The following ASAP2 variants were observed in gnomAD, a reference collection of about 807,000 sequenced individuals.
ASAP2 encodes the protein ArfGAP with SH3 domain, ankyrin repeat and PH domain 2.
A neutral mutation model predicts 131.4 loss-of-function variants in ASAP2; 45 were observed. That is an observed-to-expected ratio of 0.34 (90% CI 0.27 to 0.44). ASAP2 has a LOEUF of 0.44. Ranked by LOEUF, ASAP2 falls within the 20% of genes least tolerant of loss-of-function variation. The probability of loss-of-function intolerance (pLI) is 1.00; values close to 1 mark genes in which losing one functional copy is unlikely to be tolerated. For missense variants in ASAP2, 1,011 were observed against 1,297.0 expected, an observed-to-expected ratio of 0.78 and a Z score of 3.39; for synonymous variants, 510 against 503.0, an observed-to-expected ratio of 1.01 and a Z score of -0.19.
chr2:9,306,250 T>C (rs939977260), intron 3 of ASAP2, among the ~76,000 whole-genome samples: 4 of 130,714 alleles, frequency 3.1e-5, no homozygotes, highest in South Asian at 2.6e-4. Context: ...GGTGGAGATA[T>C]GGCCTGGTGG....
intron 1 of ASAP2, among the ~76,000 whole-genome samples, chr2:9,246,431 T>C (rs1195587980): frequency 6.6e-6 from 1 of 151,770 alleles, no homozygotes; most frequent in Non-Finnish European, 1.5e-5. Context: ...GAGCTACAGG[T>C]GTGCGCTAAC....
intron 9 of ASAP2, 98 bp downstream of exon 9, chr2:9,335,277 G>A: frequency 3.9e-6 from 4 of 1,033,768 alleles, no homozygotes; most frequent in Non-Finnish European, 6.0e-6. Context: ...GGAGCTCACA[G>A]TTCACTCGGG....
intron 17 of ASAP2, 25 bp downstream of exon 17, chr2:9,374,969 TTAA>T: frequency 6.6e-7 from 1 of 1,526,610 alleles, no homozygotes; most frequent in East Asian, 2.3e-5. Flanking sequence ...TGTTGCTACT[TTAA>T]AAAAAAAAAA....
At chr2:9,293,252 G>A (rs1667930697) in intron 2 of ASAP2, among the ~76,000 whole-genome samples, 2 of 152,196 alleles carry the variant, frequency 1.3e-5, no homozygotes, top group African/African-American at 4.8e-5. Flanking sequence ...GTTTCGTGCA[G>A]TGAGGTGGGG....
chr2:9,388,521 G>A lies in ASAP2; in HGVS notation c.2358G>A (p.Pro786=), dbSNP rs200458713. The stretch of plus-strand genomic sequence containing the variant: ...CCCCCAGCACCACCAGCGCCCCCCC[G>A]CTTCCTCCACGGAATGTTGGCAAAG... ...PAAPSTTSAP[P]LPPRNVGKVQ... Residue 786 remains proline (P), a synonymous_variant, in exon 22 of 28, where the codon CCG becomes CCA. Transcript: ENST00000281419. 86 of 1,612,344 alleles carry A rather than the reference G, an allele frequency of 5.3e-5. No individual in the cohort carries two copies. Among genetic ancestry groups the A allele is most frequent in the Middle Eastern group, 1.7e-4 (1 of 6,044 alleles).
chr2:9,210,561 G>GT lies in ASAP2; in HGVS notation c.126+3342dup, dbSNP rs906726476. Among the ~76,000 whole-genome samples, 996 of 146,898 alleles carry GT rather than the reference G, an allele frequency of 6.8e-3. 10 individuals are homozygous for GT. Among genetic ancestry groups the GT allele is most frequent in the Middle Eastern group, 0.029 (8 of 278 alleles). ...CTACCGTGTATCTGTTAACCCATGT[G>GT]TTTTTTTTTTTGAGATGGAGTCTCG... On this transcript the variant is annotated intron_variant, in intron 1 of 27. Transcript: ENST00000281419.
intron 1 of ASAP2, among the ~76,000 whole-genome samples, chr2:9,247,682 G>A (rs1235173477): frequency 2.6e-5 from 4 of 152,360 alleles, no homozygotes; most frequent in East Asian, 1.9e-4. Flanking sequence ...AAGTGAAACA[G>A]CGTTTAGAAA....
chr2:9,262,307 C>T (rs143682059), intron 1 of ASAP2, among the ~76,000 whole-genome samples: 21 of 152,110 alleles, frequency 1.4e-4, no homozygotes, highest in Admixed American at 2.6e-4. Context: ...CTGAGACGGT[C>T]CTGGGGTAAC....
At chr2:9,214,584 A>G (rs747387012) in intron 1 of ASAP2, among the ~76,000 whole-genome samples, 9 of 151,728 alleles carry the variant, frequency 5.9e-5, no homozygotes, top group Non-Finnish European at 8.8e-5. Flanking sequence ...TATCATGTCA[A>G]CAATGTCTTG....
intron 2 of ASAP2, among the ~76,000 whole-genome samples, chr2:9,293,661 T>C (rs1039662684): frequency 3.3e-5 from 5 of 152,156 alleles, no homozygotes; most frequent in Admixed American, 6.5e-5. Flanking sequence ...GTCAGTGCCA[T>C]GTTAATCATG....
rs138393410 is a variant in ASAP2, at chr2:9,401,372, C to T, written c.2922C>T (p.Asp974=). Residue 974 remains aspartate (D), a synonymous_variant, in exon 27 of 28, where the codon GAC becomes GAT. Coordinates refer to ENST00000281419, the MANE Select transcript of ASAP2 (RefSeq NM_003887.3). ...TFSEGDVIIV[D]GEEDQEWWIG... Reference sequence around the variant, plus strand: ...CCGAGGGGGATGTGATCATCGTGGACGGGGAGGAGGACCAGGAGTGGTGGG... The same window carrying T: ...CCGAGGGGGATGTGATCATCGTGGATGGGGAGGAGGACCAGGAGTGGTGGG... The T allele has an allele frequency of 3.5e-5, 56 of 1,613,308 alleles. No individual in the cohort carries two copies. The highest frequency in any genetic ancestry group is 1.8e-4 in the Admixed American group (11 of 59,976).
chr2:9,390,970 G>A (rs1326371021), intron 22 of ASAP2, 92 bp from the exon 23 acceptor site: 3 of 1,590,146 alleles, frequency 1.9e-6, no homozygotes, highest in Non-Finnish European at 2.6e-6. Context: ...TAAGGGGGAG[G>A]ATCAATAACG....
chr2:9,232,539 A>C lies in ASAP2; in HGVS notation c.126+25309A>C, dbSNP rs1189696418. Among the ~76,000 whole-genome samples the C allele has an allele frequency of 1.3e-5, 2 of 152,180 alleles. No homozygotes were observed. The highest frequency in any genetic ancestry group is 4.8e-5 in the African/African-American group (2 of 41,432). On this transcript the variant is annotated intron_variant, in intron 1 of 27. Coordinates refer to ENST00000281419, the MANE Select transcript of ASAP2 (RefSeq NM_003887.3). This position sits in a 1 kb window ranked among gnomAD's most constrained non-coding sequence, Gnocchi z 4.1. ...GTTTAACCACCTCACTTAGCACATAACTTGTCATATTTTTAATTTATTTTC... is the reference window on the plus strand; with the variant it reads ...GTTTAACCACCTCACTTAGCACATACCTTGTCATATTTTTAATTTATTTTC...
At chr2:9,290,791 A>G (rs974349080) in intron 2 of ASAP2, among the ~76,000 whole-genome samples, 2 of 152,194 alleles carry the variant, frequency 1.3e-5, no homozygotes, top group Non-Finnish European at 2.9e-5. Flanking sequence ...TAGAAGTTGC[A>G]GGATCCTGGG....
Position 9,368,514 on chromosome 2 carries a change from C to T in ASAP2, c.1551C>T (p.Ser517=), listed in dbSNP as rs779448181. Residue 517 remains serine (S), a synonymous_variant, in exon 16 of 28, where the codon AGC becomes AGT. Coordinates refer to ENST00000281419, the MANE Select transcript of ASAP2 (RefSeq NM_003887.3). ...AEDSVKPNPG[S]DMNARKDYIT... is the part of the protein sequence containing the mutation. ...ACTCAGTCAAACCCAACCCAGGCAG[C>T]GACATGTAAGTATGGGACTGGCTAT... 8.1e-6 allele frequency: 13 copies of T among 1,613,442 alleles called. No homozygotes were observed. The highest frequency in any genetic ancestry group is 3.3e-5 in the Admixed American group (2 of 60,000).
At position 9,379,078 on chromosome 2, in the gene ASAP2, C is replaced by CG; in HGVS notation, c.1948+24dup. 8.1e-6 allele frequency: 12 copies of CG among 1,489,408 alleles called. No homozygotes were observed. Among genetic ancestry groups the CG allele is most frequent in the South Asian group, 1.4e-5 (1 of 71,730 alleles). The allele number at this position is 1,489,408 out of a possible 1,614,324, so 92.3% of individuals were successfully genotyped here. ...GAGATAGGTGAGTGGGCCCGGGCCC[C>CG]GGGGGTGGGCTCAGCTGCACCCTGG... On this transcript the variant is annotated intron_variant, in intron 19 of 27. Transcript: ENST00000281419.
intron 5 of ASAP2, among the ~76,000 whole-genome samples, chr2:9,320,546 A>G (rs1481094807): frequency 1.3e-5 from 2 of 152,148 alleles, no homozygotes; most frequent in Non-Finnish European, 2.9e-5. Context: ...TCCTTTGTCT[A>G]AGATGTCATA....
Position 9,376,993 on chromosome 2 carries a change from G to A in ASAP2, c.1832G>A (p.Ser611Asn). 6.2e-7 allele frequency: 1 copy of A among 1,611,168 alleles called. No homozygotes were observed. Among genetic ancestry groups the A allele is most frequent in the Non-Finnish European group, 8.5e-7 (1 of 1,177,710 alleles). ...ATTGTAGACTTTTTAGTTCAGAACA[G>A]GTAGGTGTTCTGAAATTAAGGGAGG... ...LHIVDFLVQN[S>N]GNLDKQTGKG... The change falls in exon 18 of 28, where the codon AGT (serine) becomes AAT (asparagine). Residue 611 changes from serine (S) to asparagine (N), a missense_variant and splice_region_variant. Transcript: ENST00000281419.
At chr2:9,210,192 T>A (rs1661435948) in intron 1 of ASAP2, among the ~76,000 whole-genome samples, 1 of 152,258 alleles carries the variant, frequency 6.6e-6, no homozygotes, top group Non-Finnish European at 1.5e-5. Flanking sequence ...CTGTTACTTT[T>A]CTTAATGCCG....
Sources: allele counts gnomAD v4.1 joint callset (sites outside exome capture counted in the v4.1 genomes callset), GRCh38; gene constraint gnomAD v4.1.1; non-coding constraint Gnocchi (gnomAD v3.1); transcripts MANE v1.5; gene names NCBI Gene and HGNC (gene_info 2026-07-23, HGNC 2026-07-21).